The following RANBP17 variants were observed in gnomAD, a reference collection of about 807,000 sequenced individuals.
The protein encoded by RANBP17 is RAN binding protein 17.
Under a neutral mutation model 141.2 loss-of-function variants are expected in RANBP17, and 158 were observed. The ratio of observed to expected loss-of-function variants is 1.12; its 90% confidence interval spans 0.98 to 1.28. RANBP17 has a LOEUF of 1.28. Among genes scored for constraint, RANBP17 ranks in the 50% most tolerant of loss-of-function variants. The pLI, the probability that RANBP17 is intolerant of heterozygous loss-of-function variation, is 0.00. For missense variants in RANBP17, 1,438 were observed against 1,290.7 expected (o/e 1.11, Z -1.75); for synonymous variants, 430 against 450.0 (o/e 0.96, Z 0.56).
chr5:170,862,189 C>G, intron 1 of RANBP17, 138 bp downstream of exon 1: 1 of 893,824 alleles, frequency 1.1e-6, no homozygotes, highest in Non-Finnish European at 1.5e-6. Context: ...CAGCCCCTGC[C>G]TCTGCCCCTA....
In RANBP17 at chr5:170,890,424, T is replaced by A. The variant is rs184724322; in HGVS notation, c.257-1963T>A. On this transcript the variant is annotated intron_variant, in intron 3 of 27. Transcript: ENST00000523189. The stretch of plus-strand genomic sequence containing the variant: ...TTTTCAAAATGTATTTTATCTTTTT[T>A]ATTGTATAACTATTTTAATATTAAT... 1.8e-3 allele frequency among the ~76,000 whole-genome samples: 271 copies of A among 152,238 alleles called. 1 individual carries two copies. The highest frequency in any genetic ancestry group is 6.4e-3 in the African/African-American group (265 of 41,586).
intron 14 of RANBP17, among the ~76,000 whole-genome samples, chr5:171,123,406 C>G (rs531471608): frequency 1.2e-4 from 19 of 152,356 alleles, no homozygotes; most frequent in African/African-American, 4.3e-4. Flanking sequence ...ACTGCCAATG[C>G]CAATGCTGGC....
At chr5:171,205,412 C>A (rs942988736) in intron 19 of RANBP17, 112 bp from the exon 20 acceptor site, 5 of 822,068 alleles carry the variant, frequency 6.1e-6, no homozygotes, top group Non-Finnish European at 9.9e-6. Context: ...CTGAACGAGA[C>A]ATTTTAGCTA....
chr5:171,252,728 T>C, intron 24 of RANBP17: 2 of 1,445,766 alleles, frequency 1.4e-6, no homozygotes, highest in Non-Finnish European at 1.9e-6. Context: ...GTTGCTGTTG[T>C]GGTTCACTGT....
At chr5:170,926,267 G>C (rs1772912319) in intron 12 of RANBP17, among the ~76,000 whole-genome samples, 1 of 152,062 alleles carries the variant, frequency 6.6e-6, no homozygotes, top group African/African-American at 2.4e-5. Flanking sequence ...AAAACAGGAG[G>C]CTGTCTTATA....
intron 14 of RANBP17, among the ~76,000 whole-genome samples, chr5:171,112,054 A>C (rs774751768): frequency 6.6e-6 from 1 of 152,188 alleles, no homozygotes; most frequent in Admixed American, 6.5e-5. Context: ...CTTATTATAC[A>C]TAGCAAAGTC....
intron 14 of RANBP17, among the ~76,000 whole-genome samples, chr5:171,122,922 A>G (rs79220257): frequency 3.9e-5 from 6 of 152,172 alleles, no homozygotes; most frequent in Non-Finnish European, 8.8e-5. Flanking sequence ...AGAGGGCTTC[A>G]GTGCTGTGAT....
chr5:171,260,572 G>A (rs2128014246), intron 24 of RANBP17, among the ~76,000 whole-genome samples: 1 of 152,014 alleles, frequency 6.6e-6, no homozygotes, highest in Non-Finnish European at 1.5e-5. Flanking sequence ...AAGATGGAAG[G>A]AAAAAATTGA....
intron 14 of RANBP17, among the ~76,000 whole-genome samples, chr5:171,155,707 G>T (rs950756174): frequency 1.3e-5 from 2 of 152,174 alleles, no homozygotes; most frequent in Non-Finnish European, 2.9e-5. Context: ...TCATTCATTT[G>T]TATAGTGGAT....
In RANBP17 at chr5:171,163,030, G is replaced by A. The variant is rs1403891442; in HGVS notation, c.1711-7100G>A. Among the ~76,000 whole-genome samples the A allele has an allele frequency of 6.6e-5, 10 of 152,184 alleles. No individual in the cohort carries two copies. In the East Asian group the frequency reaches 1.7e-3, roughly 26 times the overall value. On this transcript the variant is annotated intron_variant, in intron 14 of 27. Coordinates refer to ENST00000523189, the MANE Select transcript of RANBP17 (RefSeq NM_022897.5). The stretch of plus-strand genomic sequence containing the variant: ...TGAAATAAATGTTTAACATTCAGAT[G>A]TATTTTATACTTCCATAACCAGTTT...
intron 1 of RANBP17, among the ~76,000 whole-genome samples, chr5:170,868,252 G>GTA (rs199712540): frequency 6.6e-6 from 1 of 152,166 alleles, no homozygotes; most frequent in African/African-American, 2.4e-5. Context: ...GTTTTTGTGT[G>GTA]TGTGTGTGGT....
intron 27 of RANBP17, among the ~76,000 whole-genome samples, chr5:171,297,785 C>T (rs1280867830): frequency 6.6e-6 from 1 of 150,590 alleles, no homozygotes; most frequent in African/African-American, 2.4e-5. Context: ...TTCCGTGTAC[C>T]AGGCACTGTG....
chr5:171,274,092 A>AC (rs1485746990), intron 25 of RANBP17, among the ~76,000 whole-genome samples: 1 of 151,468 alleles, frequency 6.6e-6, no homozygotes, highest in Non-Finnish European at 1.5e-5. Context: ...TGAGATAAAA[A>AC]TAAAGTTTAG....
chr5:171,132,117 G>A (rs776367942), intron 14 of RANBP17, among the ~76,000 whole-genome samples: 2 of 152,190 alleles, frequency 1.3e-5, no homozygotes, highest in South Asian at 4.1e-4. Flanking sequence ...TCTTACATGT[G>A]AACTTGCTTT....
chr5:171,062,988 C>T (rs924880044), intron 14 of RANBP17, among the ~76,000 whole-genome samples: 1 of 150,860 alleles, frequency 6.6e-6, no homozygotes, highest in Non-Finnish European at 1.5e-5. Flanking sequence ...ACGTAGTTCT[C>T]GAGCCTTGGC....
At chr5:170,916,143 A>G (rs1256284760) in intron 8 of RANBP17, among the ~76,000 whole-genome samples, 1 of 128,956 alleles carries the variant, frequency 7.8e-6, no homozygotes, top group African/African-American at 2.7e-5. Context: ...GTTATATTCT[A>G]TATTGCATTA....
chr5:171,293,900 G>A lies in RANBP17; in HGVS notation c.2961G>A (p.Met987Ile), dbSNP rs267600551. The change falls in exon 26 of 28, where the codon ATG becomes ATA. Residue 987 changes from methionine to isoleucine, a missense_variant. Transcript: ENST00000523189. ...DVLQQMMSVL[M>I]NTIVFEDCRN... ...TCTTCTAGATGATGTCTGTCCTCAT[G>A]AACACCATTGTCTTTGAAGACTGTC... 1 of 1,613,464 alleles carries A rather than the reference G, an allele frequency of 6.2e-7. No homozygotes were observed. The highest frequency in any genetic ancestry group is 1.3e-5 in the African/African-American group (1 of 75,012).
chr5:171,238,950 G>T (rs1764704947), intron 22 of RANBP17, among the ~76,000 whole-genome samples: 1 of 152,078 alleles, frequency 6.6e-6, no homozygotes, highest in Non-Finnish European at 1.5e-5. Context: ...ACATTGTATG[G>T]AATTATTTAT....
chr5:171,059,730 A>G (rs1783677658), intron 14 of RANBP17, among the ~76,000 whole-genome samples: 1 of 139,284 alleles, frequency 7.2e-6, no homozygotes, highest in Non-Finnish European at 1.6e-5. Context: ...TGGGGATGGC[A>G]TTGAATCTGT....
Sources: gnomAD v4.1 joint callset for allele counts (sites outside exome capture counted in the v4.1 genomes callset) on GRCh38, gnomAD v4.1.1 for gene constraint, MANE v1.5 for transcripts, NCBI Gene and HGNC (gene_info 2026-07-23, HGNC 2026-07-21) for gene names.